The following VSIG1 variants were observed in gnomAD, a reference collection of about 807,000 sequenced individuals.
VSIG1 encodes V-set and immunoglobulin domain containing 1.
Under a neutral mutation model 20.1 loss-of-function variants are expected in VSIG1, and 11 were observed. That is an observed-to-expected ratio of 0.55 (90% CI 0.34 to 0.91). VSIG1 has a LOEUF of 0.91. VSIG1 is among the 40% of genes least tolerant of loss of function. VSIG1 has a pLI of 0.02. For synonymous variants in VSIG1, 126 were observed against 116.7 expected (o/e 1.08, Z -0.52); for missense variants, 283 against 298.8 (o/e 0.95, Z 0.39).
chrX:108,047,799 T>TATATACACATATATATATAC (rs1555980240), intron 1 of VSIG1, among the ~76,000 whole-genome samples: 5 of 68,546 alleles, frequency 7.3e-5, no homozygotes, highest in South Asian at 6.7e-4. Flanking sequence ...TCTATATATA[T>TATATACACATATATATATAC]ATATATATAC....
the VSIG1 span, among the ~76,000 whole-genome samples, chrX:108,025,583 G>A: frequency 8.9e-6 from 1 of 112,556 alleles, no homozygotes; most frequent in Non-Finnish European, 1.9e-5. Flanking sequence ...ACACACATAA[G>A]GATTTAGATA....
the VSIG1 span, among the ~76,000 whole-genome samples, chrX:108,034,179 C>T: frequency 4.5e-5 from 5 of 110,519 alleles, no homozygotes; most frequent in South Asian, 7.9e-4. Flanking sequence ...TTGTACAGCC[C>T]GGTGACCCAG....
intron 2 of VSIG1, chrX:108,064,922 G>C (rs2031098285): frequency 5.6e-6 from 1 of 179,019 alleles, no homozygotes; most frequent in South Asian, 2.6e-4. Context: ...ACCTCCTTCT[G>C]TCCCACTTGA....
chrX:108,065,961 G>A (rs1331131503), intron 2 of VSIG1, among the ~76,000 whole-genome samples: 2 of 111,348 alleles, frequency 1.8e-5, no homozygotes, highest in African/African-American at 3.3e-5. Flanking sequence ...ATGGAGGCAT[G>A]ACTAGAGGCC....
chrX:108,047,877 T>TATATACAC (rs2030646423), intron 1 of VSIG1, among the ~76,000 whole-genome samples: 3 of 31,603 alleles, frequency 9.5e-5, no homozygotes, highest in East Asian at 1.1e-3. Context: ...TATACACATA[T>TATATACAC]ATATATATAC....
chrX:108,044,351 GA>G (rs754083653), upstream of VSIG1, among the ~76,000 whole-genome samples: 117 of 111,590 alleles, frequency 1.0e-3, no homozygotes, highest in African/African-American at 3.7e-3. Flanking sequence ...CATTTCTAAG[GA>G]AACCCTATAG....
intron 1 of VSIG1, among the ~76,000 whole-genome samples, chrX:108,047,979 T>C (rs1271345577): frequency 7.6e-5 from 5 of 66,047 alleles, no homozygotes; most frequent in Middle Eastern, 6.8e-3. Context: ...TATATATATA[T>C]ATATATATAT....
Position 108,077,720 on chromosome X carries a change from T to TA in VSIG1, c.*340dup, listed in dbSNP as rs2031379097. The TA allele has an allele frequency of 5.2e-6, 1 of 191,782 alleles. No individual in the cohort carries two copies. The highest frequency in any genetic ancestry group is 2.9e-5 in the African/African-American group (1 of 34,086). 15.8% of individuals were successfully genotyped at this position (191,782 alleles called of 1,213,427 possible). ...TCTCTTTTTAACTACTCTTTTTTTT[T>TA]ATTTTAGACAGAGTCTTGCTCCGTC... On this transcript the variant is annotated 3_prime_UTR_variant, in exon 7 of 7. Coordinates refer to ENST00000217957, the MANE Select transcript of VSIG1 (RefSeq NM_182607.5).
At chrX:108,029,266 G>A in the VSIG1 span, among the ~76,000 whole-genome samples, 2 of 111,378 alleles carry the variant, frequency 1.8e-5, no homozygotes, top group Non-Finnish European at 3.8e-5. Flanking sequence ...TTGCTACAGC[G>A]GGATGATTGC....
At chrX:108,055,952 T>TC (rs1357259371) in intron 1 of VSIG1, among the ~76,000 whole-genome samples, 1 of 110,941 alleles carries the variant, frequency 9.0e-6, no homozygotes, top group Non-Finnish European at 1.9e-5. Flanking sequence ...GTGCCATAAG[T>TC]CTCTCTTAGA....
chrX:108,057,150 A>G lies in VSIG1; in HGVS notation c.50-888A>G, dbSNP rs181327344. Among the ~76,000 whole-genome samples, 3 of 112,627 alleles carry G rather than the reference A, an allele frequency of 2.7e-5. No individual in the cohort carries two copies. In the East Asian group the frequency reaches 8.3e-4, roughly 31 times the overall value. On this transcript the variant is annotated intron_variant, in intron 1 of 6. Coordinates refer to ENST00000217957, the MANE Select transcript of VSIG1 (RefSeq NM_182607.5). ...AAAGAGTCATCAATTCCAAAAGGTT[A>G]CCATGATTCCTTGTATATAACATTT...
intron 2 of VSIG1, among the ~76,000 whole-genome samples, chrX:108,065,606 A>G (rs2031111372): frequency 8.9e-6 from 1 of 112,132 alleles, no homozygotes; most frequent in African/African-American, 3.2e-5. Flanking sequence ...TGTACCATCT[A>G]CATGATTTTT....
In VSIG1 at chrX:108,047,505, T is replaced by A. The variant is rs188425942; in HGVS notation, c.49+2326T>A. 5.3e-3 allele frequency among the ~76,000 whole-genome samples: 589 copies of A among 110,418 alleles called. 5 individuals carry two copies. The highest frequency in any genetic ancestry group is 9.4e-3 in the Middle Eastern group (2 of 212). ...TATGCTATGCATTTTAAAGGAGTAA[T>A]ATATTTGAACTTTGAGTTTGCACTC... On this transcript the variant is annotated intron_variant, in intron 1 of 6. Coordinates refer to ENST00000217957, the MANE Select transcript of VSIG1 (RefSeq NM_182607.5).
chrX:108,075,936 T>C (rs965293748), intron 5 of VSIG1, 141 bp from the exon 6 acceptor site: 15 of 683,425 alleles, frequency 2.2e-5, no homozygotes, highest in Non-Finnish European at 3.2e-5. Context: ...ATGACAGAGT[T>C]CTAGGGGTTT....
chrX:108,065,277 C>T (rs1209618380), intron 2 of VSIG1, among the ~76,000 whole-genome samples: 3 of 111,159 alleles, frequency 2.7e-5, no homozygotes, highest in Non-Finnish European at 3.8e-5. Context: ...AAGGTAAAGC[C>T]CACAGTACAA....
intron 1 of VSIG1, among the ~76,000 whole-genome samples, chrX:108,051,186 G>A (rs996734078): frequency 9.0e-6 from 1 of 110,884 alleles, no homozygotes; most frequent in African/African-American, 3.3e-5. Flanking sequence ...TGGGAGGGTA[G>A]AACAGACACG....
At chrX:108,036,305 C>A in the VSIG1 span, among the ~76,000 whole-genome samples, 1 of 109,202 alleles carries the variant, frequency 9.2e-6, no homozygotes, top group East Asian at 2.9e-4. Flanking sequence ...CTTAACCTCT[C>A]CAGAATTGAA....
chrX:108,053,245 C>T (rs2030822686), intron 1 of VSIG1, among the ~76,000 whole-genome samples: 1 of 112,164 alleles, frequency 8.9e-6, no homozygotes, highest in African/African-American at 3.2e-5. Flanking sequence ...ATAAAGTAGA[C>T]TATCTTTTAA....
chrX:108,038,825 C>T, the VSIG1 span, among the ~76,000 whole-genome samples: 1 of 111,665 alleles, frequency 9.0e-6, no homozygotes, highest in East Asian at 2.8e-4. Flanking sequence ...ATCATTTTAG[C>T]GTCTTCTAAG....
Sources: gnomAD v4.1 joint callset for allele counts (sites outside exome capture counted in the v4.1 genomes callset) on GRCh38, gnomAD v4.1.1 for gene constraint, MANE v1.5 for transcripts, NCBI Gene and HGNC (gene_info 2026-07-23, HGNC 2026-07-21) for gene names.